Variants in DNER observed in about 807,000 individuals in gnomAD.
DNER encodes the protein delta/notch like EGF repeat containing.
Under a neutral mutation model 78.2 loss-of-function variants are expected in DNER, and 33 were observed. The ratio of observed to expected loss-of-function variants is 0.42; its 90% confidence interval spans 0.32 to 0.56. The LOEUF (loss-of-function observed/expected upper bound fraction) is 0.56, where lower values mean the gene tolerates loss of function less well. DNER is among the 20% of genes least tolerant of loss of function. The pLI is 0.11. For synonymous variants in DNER, 417 were observed against 384.8 expected (o/e 1.08, Z -0.98); for missense variants, 918 against 975.3 (o/e 0.94, Z 0.78).
chr2:229,602,032 C>T (rs2154214929), intron 1 of DNER, among the ~76,000 whole-genome samples: 1 of 151,816 alleles, frequency 6.6e-6, no homozygotes, highest in East Asian at 1.9e-4. Context: ...ATTCAAAGAC[C>T]AATTTCTTGA....
intron 8 of DNER, among the ~76,000 whole-genome samples, chr2:229,433,283 T>C (rs891772043): frequency 6.6e-6 from 1 of 152,180 alleles, no homozygotes; most frequent in Non-Finnish European, 1.5e-5. Flanking sequence ...CGCGTTTAAC[T>C]AATCCAACCG....
chr2:229,420,163 C>T (rs185924325), intron 8 of DNER, among the ~76,000 whole-genome samples: 1 of 152,020 alleles, frequency 6.6e-6, no homozygotes, highest in Admixed American at 6.6e-5. Flanking sequence ...TTGTCTATGG[C>T]CGTTTTAACA....
intron 7 of DNER, among the ~76,000 whole-genome samples, chr2:229,474,895 C>A (rs1163300730): frequency 6.6e-6 from 1 of 152,138 alleles, no homozygotes; most frequent in African/African-American, 2.4e-5. Flanking sequence ...TCCTAGCAGC[C>A]AACATCTATT....
Position 229,418,148 on chromosome 2 carries a change from G to A in DNER, c.1569C>T (p.Leu523=), listed in dbSNP as rs138648634. 13 of 1,614,004 alleles carry A rather than the reference G, an allele frequency of 8.1e-6. No individual in the cohort carries two copies. The Middle Eastern group carries it at 6.6e-4, about 82-fold the overall frequency. The change falls in exon 9 of 13, where the codon CTC becomes CTT. Residue 523 remains leucine (L), a synonymous_variant. Coordinates refer to ENST00000341772, the MANE Select transcript of DNER (RefSeq NM_139072.4). ...PCLNAATCRD[L]VNGYECVCLA... ...GGCACACACACTCATAGCCATTAAC[G>A]AGGTCCCTGCAGGTGGCTGCATTCA...
At chr2:229,554,430 G>A (rs149900584) in intron 4 of DNER, among the ~76,000 whole-genome samples, 3,235 of 152,184 alleles carry the variant, frequency 0.021, 107 homozygotes, top group African/African-American at 0.065. Flanking sequence ...GATGGCTCAC[G>A]CCTATAATCC....
chr2:229,655,732 T>G (rs1174639994), intron 1 of DNER, among the ~76,000 whole-genome samples: 1 of 152,014 alleles, frequency 6.6e-6, no homozygotes, highest in Non-Finnish European at 1.5e-5. Flanking sequence ...CAGATGTGAC[T>G]AAATTAAGGA....
At chr2:229,485,360 A>C (rs1298796442) in intron 6 of DNER, among the ~76,000 whole-genome samples, 1 of 152,236 alleles carries the variant, frequency 6.6e-6, no homozygotes, top group Non-Finnish European at 1.5e-5. Context: ...AAGTGACCAG[A>C]CACTTGAAGG....
At chr2:229,571,741 C>G (rs745976784) in intron 4 of DNER, among the ~76,000 whole-genome samples, 7 of 152,150 alleles carry the variant, frequency 4.6e-5, no homozygotes, top group Admixed American at 1.3e-4. Context: ...ACCTCCCCCC[C>G]TGAAACCGTG....
At chr2:229,492,653 C>G (rs1450131810) in intron 6 of DNER, among the ~76,000 whole-genome samples, 2 of 149,696 alleles carry the variant, frequency 1.3e-5, no homozygotes, top group African/African-American at 4.9e-5. Flanking sequence ...GTCTAAAACT[C>G]ACAACTCATT....
At chr2:229,554,489 C>A (rs780174581) in intron 4 of DNER, among the ~76,000 whole-genome samples, 1 of 152,190 alleles carries the variant, frequency 6.6e-6, no homozygotes. Flanking sequence ...GGCAGGAGTC[C>A]GAGACCAGCC....
chr2:229,452,786 C>T (rs1271959533), intron 7 of DNER, among the ~76,000 whole-genome samples: 4 of 152,100 alleles, frequency 2.6e-5, no homozygotes, highest in African/African-American at 4.8e-5. Flanking sequence ...TGCCACCACG[C>T]CCAGCTAATT....
chr2:229,394,747 C>A (rs1693095017), intron 10 of DNER, among the ~76,000 whole-genome samples: 1 of 152,164 alleles, frequency 6.6e-6, no homozygotes, highest in African/African-American at 2.4e-5. Flanking sequence ...AGGACGGGAG[C>A]CCATCTAGCA....
At chr2:229,660,097 A>T (rs1005818362) in intron 1 of DNER, among the ~76,000 whole-genome samples, 2 of 152,124 alleles carry the variant, frequency 1.3e-5, no homozygotes, top group African/African-American at 4.8e-5. Context: ...GACTTCTTTT[A>T]AGGAAATGTA....
intron 1 of DNER, among the ~76,000 whole-genome samples, chr2:229,593,306 G>A (rs1442361787): frequency 1.3e-5 from 2 of 152,010 alleles, no homozygotes; most frequent in East Asian, 3.9e-4. Flanking sequence ...TCTCTCCATG[G>A]ACTATACCAA....
At chr2:229,661,466 C>T (rs925695614) in intron 1 of DNER, among the ~76,000 whole-genome samples, 2 of 152,136 alleles carry the variant, frequency 1.3e-5, no homozygotes, top group African/African-American at 4.8e-5. Context: ...CTGATTTTAA[C>T]TCACCATTAG....
intron 1 of DNER, among the ~76,000 whole-genome samples, chr2:229,592,391 C>T (rs1164409377): frequency 6.6e-6 from 1 of 152,180 alleles, no homozygotes; most frequent in African/African-American, 2.4e-5. Context: ...GTCAACAATA[C>T]TTTTTAAGGT....
rs545116551 is a variant in DNER at position 229,582,479 on chromosome 2, G to A, written c.847+3379C>T. Among the ~76,000 whole-genome samples the A allele has an allele frequency of 2.6e-5, 4 of 151,714 alleles. No homozygotes were observed. In the East Asian group the frequency reaches 7.7e-4, roughly 29 times the overall value. On this transcript the variant is annotated intron_variant, in intron 4 of 12. Transcript: ENST00000341772. The stretch of plus-strand genomic sequence containing the variant: ...GATCTCCTTACAAAGCCACATAAAA[G>A]ACCCAGAAAGCCCTAACTAGAAAAT...
intron 1 of DNER, among the ~76,000 whole-genome samples, chr2:229,670,658 T>C (rs889922898): frequency 2.6e-5 from 4 of 152,188 alleles, no homozygotes; most frequent in African/African-American, 9.7e-5. Flanking sequence ...GAAAAGTGCT[T>C]ACACTTAAAA....
At chr2:229,387,027 G>A (rs187173953) in intron 11 of DNER, among the ~76,000 whole-genome samples, 4,464 of 152,170 alleles carry the variant, frequency 0.029, 94 homozygotes, top group African/African-American at 0.06. Context: ...ACATGCACAC[G>A]TATGTTTATT....
Sources: gnomAD v4.1 joint callset for allele counts (sites outside exome capture counted in the v4.1 genomes callset) on GRCh38, gnomAD v4.1.1 for gene constraint, MANE v1.5 for transcripts, NCBI Gene and HGNC (gene_info 2026-07-23, HGNC 2026-07-21) for gene names.